The following DMD variants were observed in gnomAD, a reference collection of about 807,000 sequenced individuals.
DMD encodes mutant dystrophin.
Under a neutral mutation model 330.1 loss-of-function variants are expected in DMD, and 63 were observed. That is an observed-to-expected ratio of 0.19 (90% confidence interval 0.16 to 0.24). The LOEUF is 0.24. DMD is among the 10% of genes least tolerant of loss of function. The pLI, the probability that DMD is intolerant of heterozygous loss-of-function variation, is 1.00. For missense variants in DMD, 3,344 were observed against 2,684.1 expected (o/e 1.25, Z -5.43); for synonymous variants, 1,223 against 959.8 (o/e 1.27, Z -5.07).
chrX:31,577,478 A>C (rs1020699999), intron 55 of DMD, among the ~76,000 whole-genome samples: 7 of 112,364 alleles, frequency 6.2e-5, no homozygotes, highest in Admixed American at 1.9e-4. Flanking sequence ...TAGTAATTAC[A>C]ATATCACATT....
chrX:32,314,388 A>G (rs759501608), intron 41 of DMD, among the ~76,000 whole-genome samples: 2 of 111,553 alleles, frequency 1.8e-5, no homozygotes, highest in Non-Finnish European at 3.8e-5. Context: ...CCTTATACAA[A>G]AATTAACTCA....
intron 6 of DMD, among the ~76,000 whole-genome samples, chrX:32,809,943 AAAAGAAAG>A (rs553322206): frequency 1.3e-4 from 11 of 83,987 alleles, no homozygotes; most frequent in Middle Eastern, 6.8e-3. Context: ...AAAAAAAAAA[AAAAGAAAG>A]AAAGAAAGAA....
intron 2 of DMD, among the ~76,000 whole-genome samples, chrX:32,996,673 C>T (rs747385940): frequency 4.7e-4 from 52 of 111,045 alleles, no homozygotes; most frequent in African/African-American, 1.7e-3. Flanking sequence ...AAAAATTAGC[C>T]AGGCATGGTG....
At chrX:31,396,263 G>A (rs992679734) in intron 60 of DMD, among the ~76,000 whole-genome samples, 1 of 108,892 alleles carries the variant, frequency 9.2e-6, no homozygotes, top group Non-Finnish European at 1.9e-5. Flanking sequence ...TCAGCCTCCT[G>A]AGTAGCTGGG....
intron 17 of DMD, among the ~76,000 whole-genome samples, chrX:32,523,985 T>C (rs1167433095): frequency 9.7e-6 from 1 of 103,129 alleles, no homozygotes; most frequent in African/African-American, 3.6e-5. Context: ...CAGCCTGGAG[T>C]GCAGTGGCGC....
intron 55 of DMD, among the ~76,000 whole-genome samples, chrX:31,511,725 G>C (rs1256920681): frequency 1.9e-5 from 2 of 108,073 alleles, no homozygotes; most frequent in African/African-American, 3.4e-5. Flanking sequence ...TCTTAATCCA[G>C]TCTATCACTG....
chrX:32,976,935 G>C (rs1222631456), intron 2 of DMD, among the ~76,000 whole-genome samples: 1 of 111,126 alleles, frequency 9.0e-6, no homozygotes, highest in East Asian at 2.8e-4. Context: ...TCTTACAAAA[G>C]AGGGTGTTCA....
At chrX:31,393,476 CAAA>C (rs371796978) in intron 60 of DMD, among the ~76,000 whole-genome samples, 1 of 28,103 alleles carries the variant, frequency 3.6e-5, no homozygotes. Context: ...GACTCCATCT[CAAA>C]AAAAAAAAAA....
At chrX:32,559,456 C>T (rs2050746713) in intron 16 of DMD, among the ~76,000 whole-genome samples, 1 of 111,007 alleles carries the variant, frequency 9.0e-6, no homozygotes, top group South Asian at 3.8e-4. Flanking sequence ...TTTCAGGAAG[C>T]AATGAAAAGG....
At chrX:31,733,100 A>G (rs752631505) in intron 51 of DMD, among the ~76,000 whole-genome samples, 1 of 111,297 alleles carries the variant, frequency 9.0e-6, no homozygotes, top group African/African-American at 3.3e-5. Context: ...ATGAGAATTC[A>G]TCATGGATTC....
intron 17 of DMD, among the ~76,000 whole-genome samples, chrX:32,544,914 G>C (rs2048827636): frequency 9.1e-6 from 1 of 110,229 alleles, no homozygotes; most frequent in Admixed American, 9.7e-5. Context: ...ATCACCTATA[G>C]TTTCTATAGT....
intron 63 of DMD, among the ~76,000 whole-genome samples, chrX:31,250,757 C>G (rs1252199545): frequency 3.6e-5 from 4 of 111,084 alleles, no homozygotes; most frequent in Non-Finnish European, 5.7e-5. Context: ...TCATTAGCAC[C>G]ACCTAAAAAT....
At chrX:32,930,850 A>G (rs2146688465) in intron 2 of DMD, among the ~76,000 whole-genome samples, 1 of 110,076 alleles carries the variant, frequency 9.1e-6, no homozygotes, top group Admixed American at 9.8e-5. Flanking sequence ...ACAAAATGCT[A>G]CATTCTCTAT....
At chrX:32,721,034 C>T (rs1181321533) in intron 7 of DMD, among the ~76,000 whole-genome samples, 2 of 110,796 alleles carry the variant, frequency 1.8e-5, no homozygotes, top group Non-Finnish European at 3.8e-5. Context: ...TATGTTGTTA[C>T]AAATGGCACT....
intron 2 of DMD, among the ~76,000 whole-genome samples, chrX:32,938,295 C>A (rs2090159275): frequency 9.0e-6 from 1 of 111,316 alleles, no homozygotes; most frequent in Non-Finnish European, 1.9e-5. Context: ...TAATACTTAT[C>A]AAAGGAGTAA....
At chrX:31,425,573 T>A in intron 60 of DMD, among the ~76,000 whole-genome samples, 1 of 111,523 alleles carries the variant, frequency 9.0e-6, no homozygotes, top group Non-Finnish European at 1.9e-5. Flanking sequence ...TTGTTTCTCA[T>A]AGCCAGTGAT....
intron 13 of DMD, among the ~76,000 whole-genome samples, chrX:32,591,227 C>A (rs1375373697): frequency 8.9e-6 from 1 of 111,760 alleles, no homozygotes; most frequent in African/African-American, 3.3e-5. Flanking sequence ...AGTATTTTAA[C>A]AAAATAATTC....
chrX:33,048,393 G>A (rs5972742), intron 1 of DMD, among the ~76,000 whole-genome samples: 1,737 of 110,868 alleles, frequency 0.016, 36 homozygotes, highest in African/African-American at 0.053. Flanking sequence ...AAATTGTTTA[G>A]AGAAAGAAAA....
chrX:31,868,422 G>T (rs2093835765), intron 48 of DMD, among the ~76,000 whole-genome samples: 1 of 111,346 alleles, frequency 9.0e-6, no homozygotes, highest in Admixed American at 9.5e-5. Context: ...AATTCTTACC[G>T]AGTATTCTTA....
Sources: gnomAD v4.1 joint callset for allele counts (sites outside exome capture counted in the v4.1 genomes callset) on GRCh38, gnomAD v4.1.1 for gene constraint, MANE v1.5 for transcripts, NCBI Gene and HGNC (gene_info 2026-07-23, HGNC 2026-07-21) for gene names.